The following ACER3 variants were observed in gnomAD, a reference collection of about 807,000 sequenced individuals.
ACER3 encodes the protein alkCDase 3.
ACER3 carries 16 observed loss-of-function variants against 48.9 expected under a neutral mutation model. The observed-to-expected ratio is 0.33, with a 90% CI of 0.22 to 0.50. The LOEUF (loss-of-function observed/expected upper bound fraction) is 0.50. ACER3 is among the 20% of genes least tolerant of loss of function. The probability of loss-of-function intolerance (pLI) is 0.98; values close to 1 mark genes in which losing one functional copy is unlikely to be tolerated. For synonymous variants in ACER3, 109 were observed against 107.8 expected (o/e 1.01, Z -0.07); for missense variants, 227 against 326.0 (o/e 0.70, Z 2.34).
intron 7 of ACER3, among the ~76,000 whole-genome samples, chr11:77,003,858 A>G (rs1469540106): frequency 6.6e-6 from 1 of 152,064 alleles, no homozygotes; most frequent in African/African-American, 2.4e-5. Flanking sequence ...AGATTTTCCT[A>G]TTGTCATTCT....
chr11:76,941,904 T>C (rs1348239292), intron 2 of ACER3, among the ~76,000 whole-genome samples: 2 of 151,970 alleles, frequency 1.3e-5, no homozygotes, highest in Admixed American at 1.3e-4. Flanking sequence ...ATTTTATTAT[T>C]ATTATCATTA....
intron 1 of ACER3, among the ~76,000 whole-genome samples, chr11:76,869,742 C>G (rs1171139535): frequency 6.6e-6 from 1 of 152,158 alleles, no homozygotes; most frequent in Non-Finnish European, 1.5e-5. Flanking sequence ...CCATACAGTA[C>G]TTGTCTTTTT....
Position 76,896,964 on chromosome 11 carries a change from CTGTT to C in ACER3, c.104-29587_104-29584del, listed in dbSNP as rs532228360. Among the ~76,000 whole-genome samples the C allele has an allele frequency of 7.6e-3, 1,151 of 151,680 alleles. 6 individuals carry two copies. Among genetic ancestry groups the C allele is most frequent in the Non-Finnish European group, 0.01 (701 of 67,852 alleles). ...TTGTTGTTGTTGGTTTTTTGTTTGT[CTGTT>C]TGTTTTTGAGACAGAGTCTTGCTCT... On this transcript the variant is annotated intron_variant, in intron 1 of 10. Transcript: ENST00000532485.
At chr11:76,975,391 AG>A (rs1948414601) in intron 3 of ACER3, among the ~76,000 whole-genome samples, 1 of 152,188 alleles carries the variant, frequency 6.6e-6, no homozygotes, top group Non-Finnish European at 1.5e-5. Context: ...TCTAGCTTGC[AG>A]TTTAACACAT....
intron 3 of ACER3, among the ~76,000 whole-genome samples, chr11:76,972,827 CCTGTATTGTT>C (rs1335069326): frequency 6.6e-6 from 1 of 152,208 alleles, no homozygotes; most frequent in Non-Finnish European, 1.5e-5. Flanking sequence ...GGGGGGAACC[CCTGTATTGTT>C]GCTGCTCCCT....
chr11:76,996,725 T>C (rs1312927331), intron 6 of ACER3, among the ~76,000 whole-genome samples: 126 of 147,454 alleles, frequency 8.5e-4, no homozygotes, highest in African/African-American at 2.6e-3. Flanking sequence ...CAGCCTTTTT[T>C]TTTTTTTTTT....
intron 3 of ACER3, among the ~76,000 whole-genome samples, chr11:76,962,323 G>A (rs544622170): frequency 2.7e-5 from 4 of 148,866 alleles, no homozygotes; most frequent in South Asian, 2.1e-4. Context: ...AGGTTCAAGC[G>A]ATTCTCCTGC....
At chr11:76,884,041 A>C (rs956009756) in intron 1 of ACER3, among the ~76,000 whole-genome samples, 2 of 152,158 alleles carry the variant, frequency 1.3e-5, no homozygotes, top group Non-Finnish European at 2.9e-5. Context: ...CTCTCTAGTC[A>C]CAATGTGAAG....
At chr11:76,927,590 C>T (rs1946865204) in intron 2 of ACER3, among the ~76,000 whole-genome samples, 1 of 152,100 alleles carries the variant, frequency 6.6e-6, no homozygotes, top group African/African-American at 2.4e-5. Flanking sequence ...GGTATATCTC[C>T]TAATGCTATC....
chr11:77,023,469 T>C lies in ACER3; in HGVS notation c.*3142T>C. The stretch of plus-strand genomic sequence containing the variant: ...AATGCCCTAAAAGCATCTAACAATT[T>C]AAGGTTATCTTATGAGTCCTATGAA... On this transcript the variant is annotated 3_prime_UTR_variant, in exon 11 of 11. Transcript: ENST00000532485. 1 of 312,220 alleles carries C rather than the reference T, an allele frequency of 3.2e-6. No homozygotes were observed. Among genetic ancestry groups the C allele is most frequent in the Middle Eastern group, 8.4e-4 (1 of 1,190 alleles). The allele number at this position is 312,220 out of a possible 1,614,324, so 19.3% of individuals were successfully genotyped here.
chr11:77,014,046 T>C (rs985279144), intron 7 of ACER3, among the ~76,000 whole-genome samples: 4 of 152,240 alleles, frequency 2.6e-5, no homozygotes, highest in African/African-American at 7.2e-5. Flanking sequence ...GATATCTTGA[T>C]TGTGGTGGTG....
intron 2 of ACER3, among the ~76,000 whole-genome samples, chr11:76,931,375 G>C (rs1946994526): frequency 6.8e-6 from 1 of 147,752 alleles, no homozygotes; most frequent in Non-Finnish European, 1.5e-5. Context: ...ACATGAGATG[G>C]ATCTCCTGAA....
intron 1 of ACER3, among the ~76,000 whole-genome samples, chr11:76,914,118 G>C (rs7948334): frequency 0.7 from 106,536 of 152,022 alleles, 37,649 homozygotes; most frequent in Non-Finnish European, 0.74. Flanking sequence ...CTAGGCAATA[G>C]CATTCAGGAC....
intron 3 of ACER3, among the ~76,000 whole-genome samples, chr11:76,964,889 A>G (rs549908976): frequency 6.6e-6 from 1 of 151,468 alleles, no homozygotes; most frequent in South Asian, 2.1e-4. Context: ...ACTGGAAACT[A>G]AAAATCAGAG....
intron 1 of ACER3, among the ~76,000 whole-genome samples, chr11:76,889,916 A>G (rs1945765218): frequency 6.7e-6 from 1 of 149,086 alleles, no homozygotes; most frequent in Non-Finnish European, 1.5e-5. Context: ...GCTATCTTAT[A>G]TTTCTTTAAA....
At chr11:76,887,000 CAATATATAAAGTTTAAG>C (rs1205083002) in intron 1 of ACER3, among the ~76,000 whole-genome samples, 16 of 151,548 alleles carry the variant, frequency 1.1e-4, no homozygotes, top group Admixed American at 3.9e-4. Context: ...CTGTCGAGAA[CAATATATAAAGTTTAAG>C]AATGACCAAA....
chr11:76,881,325 A>G (rs1351447201), intron 1 of ACER3, among the ~76,000 whole-genome samples: 1 of 150,974 alleles, frequency 6.6e-6, no homozygotes, highest in Non-Finnish European at 1.5e-5. Flanking sequence ...GCAACAAATT[A>G]TCAGGTTTAT....
intron 2 of ACER3, among the ~76,000 whole-genome samples, chr11:76,935,276 T>C (rs150104308): frequency 1.8e-3 from 267 of 152,196 alleles, no homozygotes; most frequent in Non-Finnish European, 3.3e-3. Context: ...GTGCATATAA[T>C]TGGAGTCCCT....
At chr11:76,998,603 T>G in intron 6 of ACER3, 160 bp from the exon 7 acceptor site, 1 of 548,798 alleles carries the variant, frequency 1.8e-6, no homozygotes. Context: ...GTTAGCATGA[T>G]TTAGTGATTT....
Sources: gnomAD v4.1 joint callset for allele counts (sites outside exome capture counted in the v4.1 genomes callset) on GRCh38, gnomAD v4.1.1 for gene constraint, MANE v1.5 for transcripts, NCBI Gene and HGNC (gene_info 2026-07-23, HGNC 2026-07-21) for gene names.